The following UST variants were observed in gnomAD, a reference collection of about 807,000 sequenced individuals.
UST encodes the protein uronyl 2-sulfotransferase.
A neutral mutation model predicts 45.6 loss-of-function variants in UST; 21 were observed. The observed-to-expected ratio is 0.46, with a 90% CI of 0.33 to 0.66. UST has a LOEUF of 0.66. Among genes scored for constraint, UST ranks in the 30% least tolerant of loss-of-function variants. The pLI is 0.02. For synonymous variants in UST, 215 were observed against 200.6 expected (o/e 1.07, Z -0.61); for missense variants, 463 against 512.4 (o/e 0.90, Z 0.93).
chr6:148,836,365 C>T (rs774707043), intron 1 of UST, among the ~76,000 whole-genome samples: 1 of 152,178 alleles, frequency 6.6e-6, no homozygotes, highest in Non-Finnish European at 1.5e-5. Context: ...TGTGTTAACT[C>T]CATCTCACAA....
rs1269209877 is a variant in UST, at chr6:148,759,916, C to G, written c.247+12239C>G. On this transcript the variant is annotated intron_variant, in intron 1 of 7. Transcript: ENST00000367463. ...TGTGCACTCCCAGGGGAGAGTGTTT[C>G]TTTTCTCTTGAGAATCACTGAAGTA... Among the ~76,000 whole-genome samples the G allele has an allele frequency of 2.8e-5, 4 of 144,582 alleles. No homozygotes were observed. In the Admixed American group the frequency reaches 2.8e-4, roughly 10 times the overall value. 94.9% of individuals were successfully genotyped at this position (144,582 alleles called of 152,430 possible). A position where few individuals can be genotyped will look rare whatever the true frequency, so the allele number is the denominator to read the frequency against.
chr6:148,836,738 C>T (rs1777792060), intron 1 of UST, among the ~76,000 whole-genome samples: 1 of 152,196 alleles, frequency 6.6e-6, no homozygotes, highest in African/African-American at 2.4e-5. Flanking sequence ...AAAAGATGGA[C>T]ATTGGGTCCA....
chr6:148,773,968 G>A (rs1043987007), intron 1 of UST, among the ~76,000 whole-genome samples: 3 of 152,088 alleles, frequency 2.0e-5, no homozygotes, highest in Non-Finnish European at 4.4e-5. Context: ...TGTCCTCCCC[G>A]ACTTTATAAA....
At chr6:148,829,305 A>G (rs1777638585) in intron 1 of UST, among the ~76,000 whole-genome samples, 1 of 152,166 alleles carries the variant, frequency 6.6e-6, no homozygotes. Context: ...AACCATGCAT[A>G]TGGCTTTGGC....
At chr6:148,789,572 C>G (rs1421529242) in intron 1 of UST, among the ~76,000 whole-genome samples, 2 of 151,814 alleles carry the variant, frequency 1.3e-5, no homozygotes, top group Non-Finnish European at 2.9e-5. Flanking sequence ...TTTTTTGAGA[C>G]AGAGTCTCAC....
At chr6:148,788,809 T>A (rs1355413925) in intron 1 of UST, among the ~76,000 whole-genome samples, 2 of 152,242 alleles carry the variant, frequency 1.3e-5, no homozygotes, top group African/African-American at 4.8e-5. Context: ...ATCAACATGA[T>A]GTCTGTAGCA....
intron 1 of UST, among the ~76,000 whole-genome samples, chr6:148,857,164 G>GAA (rs1470856169): frequency 1.3e-5 from 2 of 152,032 alleles, no homozygotes; most frequent in Non-Finnish European, 2.9e-5. Context: ...TCAGTGAACA[G>GAA]AACTTGGCTT....
At chr6:148,881,754 C>A (rs1005205048) in intron 1 of UST, among the ~76,000 whole-genome samples, 1 of 152,176 alleles carries the variant, frequency 6.6e-6, no homozygotes, top group Non-Finnish European at 1.5e-5. Context: ...GCCAGAAGCT[C>A]CTTTGATGCC....
At chr6:148,758,987 G>A (rs548225080) in intron 1 of UST, among the ~76,000 whole-genome samples, 75 of 152,344 alleles carry the variant, frequency 4.9e-4, no homozygotes, top group Admixed American at 3.5e-3. Context: ...CGGCTGGATG[G>A]AGGGGGCACT....
chr6:148,883,206 T>C (rs916692838), intron 1 of UST, among the ~76,000 whole-genome samples: 2 of 152,240 alleles, frequency 1.3e-5, no homozygotes, highest in African/African-American at 4.8e-5. Flanking sequence ...TATTTTAGTA[T>C]TTCTCACTTA....
At chr6:149,002,106 T>A (rs750395964) in intron 5 of UST, among the ~76,000 whole-genome samples, 4 of 152,150 alleles carry the variant, frequency 2.6e-5, no homozygotes, top group Non-Finnish European at 5.9e-5. Flanking sequence ...TTATTTTTAT[T>A]TTCTTAAATT....
intron 3 of UST, among the ~76,000 whole-genome samples, chr6:148,947,921 GGA>G (rs1491118096): frequency 1.8e-5 from 2 of 109,438 alleles, no homozygotes; most frequent in African/African-American, 6.2e-5. Context: ...GAAACTTGGT[GGA>G]AAAAAAAAAA....
chr6:148,984,765 T>G (rs1781208638), intron 5 of UST, among the ~76,000 whole-genome samples: 1 of 152,174 alleles, frequency 6.6e-6, no homozygotes, highest in Non-Finnish European at 1.5e-5. Flanking sequence ...TGCCTTGGCC[T>G]CCCAGAGTGC....
At chr6:148,780,220 A>G (rs1015535634) in intron 1 of UST, among the ~76,000 whole-genome samples, 1 of 152,060 alleles carries the variant, frequency 6.6e-6, no homozygotes, top group Non-Finnish European at 1.5e-5. Context: ...AAAATAGTAA[A>G]TGGAAGATTC....
chr6:149,049,925 T>TCACA (rs1368206282), intron 7 of UST, among the ~76,000 whole-genome samples: 38 of 128,798 alleles, frequency 3.0e-4, no homozygotes, highest in Middle Eastern at 4.3e-3. Flanking sequence ...TCTCTCTCTC[T>TCACA]CTCTCTCACA....
intron 1 of UST, among the ~76,000 whole-genome samples, chr6:148,824,167 C>A (rs1263099636): frequency 6.6e-6 from 1 of 152,206 alleles, no homozygotes. Flanking sequence ...AACTTCAACT[C>A]ATATTTCTGG....
intron 2 of UST, among the ~76,000 whole-genome samples, chr6:148,894,379 C>T (rs1779078238): frequency 2.0e-5 from 3 of 152,122 alleles, no homozygotes; most frequent in Admixed American, 6.5e-5. Context: ...TGATTGATGT[C>T]TGTATAAGAA....
intron 5 of UST, among the ~76,000 whole-genome samples, chr6:148,983,547 C>T (rs1163605809): frequency 6.6e-6 from 1 of 152,172 alleles, no homozygotes; most frequent in African/African-American, 2.4e-5. Context: ...TGAGTTGTTA[C>T]GGCTGGAGCA....
chr6:148,977,424 G>C (rs1330919234), intron 5 of UST, among the ~76,000 whole-genome samples: 1 of 151,922 alleles, frequency 6.6e-6, no homozygotes, highest in Non-Finnish European at 1.5e-5. Flanking sequence ...CTAGGTCTTT[G>C]TCTTTGTTCA....
Sources: gnomAD v4.1 joint callset for allele counts (sites outside exome capture counted in the v4.1 genomes callset) on GRCh38, gnomAD v4.1.1 for gene constraint, MANE v1.5 for transcripts, NCBI Gene and HGNC (gene_info 2026-07-23, HGNC 2026-07-21) for gene names.